Variants in CACNG4 observed in about 807,000 individuals in gnomAD.
CACNG4 encodes voltage-dependent calcium channel gamma-4 subunit.
A neutral mutation model predicts 22.9 loss-of-function variants in CACNG4; 8 were observed. That is an observed-to-expected ratio of 0.35 (90% CI 0.21 to 0.63). The LOEUF is 0.63. Ranked by LOEUF, CACNG4 falls within the 30% of genes least tolerant of loss-of-function variation. The pLI is 0.72. For missense variants in CACNG4, 357 were observed against 455.4 expected (o/e 0.78, Z 1.97); for synonymous variants, 188 against 191.9 (o/e 0.98, Z 0.17).
rs781599104 is a variant in CACNG4 at position 67,030,438 on chromosome 17, C to T, written c.446-28C>T. On this transcript the variant is annotated intron_variant, in intron 3 of 3. Transcript: ENST00000262138. The surrounding 1 kb of genome is among the most constrained non-coding windows in gnomAD (Gnocchi z 6.4). Reference sequence around the variant, plus strand: ...CTCTGCCTCTCTCCCTCCCTGGCCCCGCTCCCCGCTCCCCGCTTCCCTTTC... The same window carrying T: ...CTCTGCCTCTCTCCCTCCCTGGCCCTGCTCCCCGCTCCCCGCTTCCCTTTC... 1.7e-5 allele frequency: 28 copies of T among 1,604,892 alleles called. 1 individual carries two copies. The highest frequency in any genetic ancestry group is 8.4e-5 in the Admixed American group (5 of 59,646).
chr17:66,998,191 T>G (rs1033255869), intron 1 of CACNG4, among the ~76,000 whole-genome samples: 2 of 152,148 alleles, frequency 1.3e-5, no homozygotes, highest in African/African-American at 4.8e-5. Flanking sequence ...TTCCCCACAG[T>G]GAGGCCTCAG....
chr17:66,980,617 A>ATTTTT (rs1173198753), intron 1 of CACNG4, among the ~76,000 whole-genome samples: 11 of 116,084 alleles, frequency 9.5e-5, no homozygotes, highest in Admixed American at 2.5e-4. Flanking sequence ...CTTTGTGTAA[A>ATTTTT]TTCTTTTTTT....
chr17:66,975,728 C>A (rs1368630563), intron 1 of CACNG4, among the ~76,000 whole-genome samples: 1 of 152,214 alleles, frequency 6.6e-6, no homozygotes, highest in African/African-American at 2.4e-5. Flanking sequence ...GAGCACCCCC[C>A]AGTGGAGGCC....
intron 1 of CACNG4, among the ~76,000 whole-genome samples, chr17:66,975,644 C>A (rs2035231440): frequency 6.6e-6 from 1 of 152,192 alleles, no homozygotes; most frequent in Non-Finnish European, 1.5e-5. Context: ...TCCCAGAAGA[C>A]ATAAGTTGCC....
At chr17:67,023,762 A>G (rs2035546727) in intron 2 of CACNG4, among the ~76,000 whole-genome samples, 1 of 151,174 alleles carries the variant, frequency 6.6e-6, no homozygotes, top group South Asian at 2.1e-4. Flanking sequence ...TTTTTAGTAG[A>G]TACGGGGTTT....
Position 67,031,423 on chromosome 17 carries a change from C to G in CACNG4, c.*419C>G. ...GGTGTCGGGCCACCAGAAGGCTCTG[C>G]CGGACGCCAAGAAGACGGTCTCTGG... On this transcript the variant is annotated 3_prime_UTR_variant, in exon 4 of 4. Transcript: ENST00000262138. This position sits in a 1 kb window ranked among gnomAD's most constrained non-coding sequence, Gnocchi z 4.0. 2 of 462,480 alleles carry G rather than the reference C, an allele frequency of 4.3e-6. No homozygotes were observed. Among genetic ancestry groups the G allele is most frequent in the South Asian group, 3.1e-5 (2 of 64,614 alleles). The allele number at this position is 462,480 out of a possible 1,614,324, so 28.6% of individuals were successfully genotyped here.
chr17:67,012,761 C>G (rs899286873), intron 1 of CACNG4, among the ~76,000 whole-genome samples: 4 of 152,182 alleles, frequency 2.6e-5, no homozygotes, highest in Non-Finnish European at 4.4e-5. Context: ...GAGGTGTCAG[C>G]AGGCTCCACC....
At chr17:66,994,615 T>G (rs1446136921) in intron 1 of CACNG4, among the ~76,000 whole-genome samples, 1 of 152,182 alleles carries the variant, frequency 6.6e-6, no homozygotes, top group Non-Finnish European at 1.5e-5. Context: ...AGCATGCCCT[T>G]TGGAACCAGA....
chr17:66,995,295 T>C (rs2035367174), intron 1 of CACNG4, among the ~76,000 whole-genome samples: 1 of 152,146 alleles, frequency 6.6e-6, no homozygotes, highest in Non-Finnish European at 1.5e-5. Flanking sequence ...TATGTCTGGA[T>C]CCAGACCTCG....
chr17:66,987,199 G>T (rs1324995827), intron 1 of CACNG4, among the ~76,000 whole-genome samples: 3 of 152,172 alleles, frequency 2.0e-5, no homozygotes, highest in Non-Finnish European at 4.4e-5. Flanking sequence ...AGGTCACACA[G>T]CTGCTAAGTG....
intron 1 of CACNG4, among the ~76,000 whole-genome samples, chr17:67,016,769 C>G (rs923218744): frequency 6.6e-6 from 1 of 152,196 alleles, no homozygotes; most frequent in African/African-American, 2.4e-5. Context: ...CCCTGTGCCC[C>G]TGGCAACCAA....
chr17:66,993,294 C>T (rs949633467), intron 1 of CACNG4, among the ~76,000 whole-genome samples: 8 of 152,188 alleles, frequency 5.3e-5, no homozygotes, highest in Non-Finnish European at 8.8e-5. Context: ...CAGTTGGAGA[C>T]GAAGCTCTGA....
chr17:67,000,572 A>G (rs751783433), intron 1 of CACNG4, among the ~76,000 whole-genome samples: 4 of 152,164 alleles, frequency 2.6e-5, no homozygotes, highest in Non-Finnish European at 4.4e-5. Context: ...GGATCCTGCC[A>G]TGTGGGCATG....
chr17:67,022,820 C>T (rs1229405151), intron 2 of CACNG4, among the ~76,000 whole-genome samples: 3 of 152,238 alleles, frequency 2.0e-5, no homozygotes, highest in Non-Finnish European at 2.9e-5. Flanking sequence ...TGCTTCCCTC[C>T]CTCTCGCCTT....
chr17:67,019,414 A>C (rs2035519013), intron 2 of CACNG4, among the ~76,000 whole-genome samples: 1 of 152,112 alleles, frequency 6.6e-6, no homozygotes, highest in African/African-American at 2.4e-5. Flanking sequence ...CACTGAACCA[A>C]GCAAATGAGA....
rs1002870043 is a variant in CACNG4, at chr17:66,984,447, G to A, written c.220+19316G>A. 2.6e-5 allele frequency among the ~76,000 whole-genome samples: 4 copies of A among 152,102 alleles called. No individual in the cohort carries two copies. Among genetic ancestry groups the A allele is most frequent in the Admixed American group, 6.5e-5 (1 of 15,278 alleles). On this transcript the variant is annotated intron_variant, in intron 1 of 3. Coordinates refer to ENST00000262138, the MANE Select transcript of CACNG4 (RefSeq NM_014405.4). The surrounding 1 kb of genome is among the most constrained non-coding windows in gnomAD (Gnocchi z 4.0). ...GATGGCCTGCCACCAGCCTGCACCCGCCCCCATTCATCCCCAACTGCTGGC... is the reference window on the plus strand; with the variant it reads ...GATGGCCTGCCACCAGCCTGCACCCACCCCCATTCATCCCCAACTGCTGGC...
intron 1 of CACNG4, among the ~76,000 whole-genome samples, chr17:67,010,231 G>A (rs2035460996): frequency 6.6e-6 from 1 of 152,184 alleles, no homozygotes; most frequent in African/African-American, 2.4e-5. Flanking sequence ...GCCCTGGGTT[G>A]CCATCCCCGC....
chr17:67,006,145 C>G (rs963536371), intron 1 of CACNG4, among the ~76,000 whole-genome samples: 1 of 152,178 alleles, frequency 6.6e-6, no homozygotes, highest in Non-Finnish European at 1.5e-5. Context: ...AGAGCTTGTT[C>G]CTCGTGGGTG....
At chr17:66,997,197 AAG>A (rs1245237639) in intron 1 of CACNG4, among the ~76,000 whole-genome samples, 1 of 152,186 alleles carries the variant, frequency 6.6e-6, no homozygotes, top group Non-Finnish European at 1.5e-5. Context: ...AGTAAAAAGG[AAG>A]AGTTATGCAA....
Sources: gnomAD v4.1 joint callset for allele counts (sites outside exome capture counted in the v4.1 genomes callset) on GRCh38, gnomAD v4.1.1 for gene constraint, Gnocchi (gnomAD v3.1) non-coding constraint, MANE v1.5 for transcripts, NCBI Gene and HGNC (gene_info 2026-07-23, HGNC 2026-07-21) for gene names.